Variants in PNKD observed in about 807,000 individuals in gnomAD.
PNKD encodes the protein probable thioesterase PNKD.
Under a neutral mutation model 45.3 loss-of-function variants are expected in PNKD, and 36 were observed. The ratio of observed to expected loss-of-function variants is 0.80; its 90% CI spans 0.61 to 1.05. The LOEUF (loss-of-function observed/expected upper bound fraction) is 1.05, where lower values mean the gene tolerates loss of function less well. Among genes scored for constraint, PNKD ranks in the 50% least tolerant of loss-of-function variants. The pLI, the probability that PNKD is intolerant of heterozygous loss-of-function variation, is 0.00. For missense variants in PNKD, 511 were observed against 506.6 expected (o/e 1.01, Z -0.08); for synonymous variants, 197 against 210.1 (o/e 0.94, Z 0.54).
intron 2 of PNKD, among the ~76,000 whole-genome samples, chr2:218,331,334 G>A (rs887064372): frequency 1.3e-5 from 2 of 152,008 alleles, no homozygotes; most frequent in African/African-American, 4.8e-5. Flanking sequence ...TTGAACCCGG[G>A]AGGCGGTGGT....
chr2:218,293,616 C>T (rs955262908), intron 2 of PNKD, among the ~76,000 whole-genome samples: 1 of 135,112 alleles, frequency 7.4e-6, no homozygotes, highest in Non-Finnish European at 1.5e-5. Flanking sequence ...GACAGGGTCT[C>T]GCTCTGTCAC....
chr2:218,284,838 C>G (rs1256518274), intron 2 of PNKD, among the ~76,000 whole-genome samples: 1 of 152,244 alleles, frequency 6.6e-6, no homozygotes, highest in Non-Finnish European at 1.5e-5. Context: ...CGCCTGTAAT[C>G]TCAACACTTT....
In PNKD at chr2:218,341,578, A is replaced by T; in HGVS notation, c.569A>T (p.Asp190Val). The T allele has an allele frequency of 6.2e-7, 1 of 1,600,220 alleles. No homozygotes were observed. ...GNRDLSRRHR[D>V]CRVYGSPQDG... is the part of the protein sequence containing the mutation. ...CGTGACCTCAGCCGGCGGCACCGGG[A>T]CTGTCGGGTGTACGGGAGCCCTCAG... The change falls in exon 6 of 10, where the codon GAC becomes GTC. Residue 190 changes from aspartate (D) to valine (V), a missense_variant. Physicochemically the swap from Asp to Val is radical, Grantham distance 152. Transcript: ENST00000273077.
intron 2 of PNKD, chr2:218,274,458 A>C (rs1691011801): frequency 6.5e-6 from 1 of 154,096 alleles, no homozygotes; most frequent in East Asian, 1.9e-4. Flanking sequence ...AACAGAGAGA[A>C]GTCACCTTCC....
intron 2 of PNKD, among the ~76,000 whole-genome samples, chr2:218,307,751 G>A (rs1213583431): frequency 6.6e-6 from 1 of 152,178 alleles, no homozygotes; most frequent in Non-Finnish European, 1.5e-5. Context: ...TATACAGGTG[G>A]TAGCCTGTAA....
rs201680473 is a variant in PNKD, at chr2:218,271,478, C to T, written c.165C>T (p.Pro55=). 70 of 1,614,178 alleles carry T rather than the reference C, an allele frequency of 4.3e-5. No homozygotes were observed. In the African/African-American group the frequency reaches 6.9e-4, roughly 16 times the overall value. The change falls in exon 2 of 10, where the codon CCC becomes CCT. Residue 55 remains proline (P), a synonymous_variant. Coordinates refer to ENST00000273077, the MANE Select transcript of PNKD (RefSeq NM_015488.5). The part of the protein sequence containing the change: ...SSPEGKEEPE[P]LSPELEYIPR... ...CAGAGGGCAAGGAGGAACCTGAACC[C>T]CTATCCCCGGAGCTGGAATACATTC... is the stretch of plus-strand genomic sequence containing the variant.
At chr2:218,331,247 C>G (rs1238469940) in intron 2 of PNKD, among the ~76,000 whole-genome samples, 6 of 152,000 alleles carry the variant, frequency 3.9e-5, no homozygotes, top group Non-Finnish European at 8.8e-5. Context: ...AAACCCGTCT[C>G]TACTAAAAAT....
intron 2 of PNKD, among the ~76,000 whole-genome samples, chr2:218,316,191 C>T (rs966352863): frequency 6.6e-6 from 1 of 151,772 alleles, no homozygotes; most frequent in Non-Finnish European, 1.5e-5. Context: ...TTTCAGGAAA[C>T]TAGATTGTGT....
intron 2 of PNKD, among the ~76,000 whole-genome samples, chr2:218,301,017 A>G (rs1693255285): frequency 1.3e-5 from 2 of 152,304 alleles, no homozygotes; most frequent in Non-Finnish European, 1.5e-5. Flanking sequence ...TTTTCCAATA[A>G]CTGAAATAAG....
rs772231371 is a variant in PNKD at position 218,277,372 on chromosome 2, C to G, written c.236+5823C>G. 13 of 1,613,968 alleles carry G rather than the reference C, an allele frequency of 8.1e-6. No homozygotes were observed. The Admixed American group carries it at 8.3e-5, about 10-fold the overall frequency. On this transcript the variant is annotated intron_variant, in intron 2 of 9. Transcript: ENST00000273077. The stretch of plus-strand genomic sequence containing the variant: ...GGGCCCTCCATGCCCTCACCTTGGT[C>G]TGAAAGCAGAAGATGGTGACTGAAA...
intron 2 of PNKD, among the ~76,000 whole-genome samples, chr2:218,318,938 C>CTTTTTTTT (rs1188726715): frequency 1.8e-5 from 2 of 109,536 alleles, no homozygotes; most frequent in Non-Finnish European, 3.9e-5. Context: ...CAAATCTTTT[C>CTTTTTTTT]TTTTTTTTTT....
rs143302169 is a variant in PNKD, at chr2:218,306,474, C to G, written c.237-33309C>G. On this transcript the variant is annotated intron_variant, in intron 2 of 9. Coordinates refer to ENST00000273077, the MANE Select transcript of PNKD (RefSeq NM_015488.5). ...AGGAACATGTGTGGAGTACTTGAAA[C>G]GGCCCAGGCAAGGTGTCCTTTCTCT... Among the ~76,000 whole-genome samples, 61 of 152,302 alleles carry G rather than the reference C, an allele frequency of 4.0e-4. 2 individuals carry two copies. The South Asian group carries it at 6.8e-3, about 17-fold the overall frequency.
intron 2 of PNKD, among the ~76,000 whole-genome samples, chr2:218,287,492 G>T (rs963862082): frequency 1.3e-5 from 2 of 152,074 alleles, no homozygotes. Flanking sequence ...GGTGGATCAC[G>T]AGGTCAGGAG....
intron 3 of PNKD, 47 bp downstream of exon 3, chr2:218,339,945 C>A: frequency 6.9e-7 from 1 of 1,450,962 alleles, no homozygotes; most frequent in Non-Finnish European, 9.6e-7. Context: ...TGTGCCCCCA[C>A]CCTCCCCGCC....
intron 2 of PNKD, among the ~76,000 whole-genome samples, chr2:218,291,732 C>T (rs1202591867): frequency 6.6e-6 from 1 of 152,168 alleles, no homozygotes; most frequent in Non-Finnish European, 1.5e-5. Context: ...CTTGCTTTCC[C>T]TTTTCCCGTT....
At chr2:218,319,445 G>A (rs1315424630) in intron 2 of PNKD, among the ~76,000 whole-genome samples, 2 of 128,718 alleles carry the variant, frequency 1.6e-5, no homozygotes, top group East Asian at 2.5e-4. Context: ...GCATGATCTC[G>A]GCTCACTGCA....
chr2:218,271,491 C>T lies in PNKD; in HGVS notation c.178C>T (p.Leu60=), dbSNP rs774568291. Residue 60 remains leucine (L), a synonymous_variant, in exon 2 of 10, where the codon CTG becomes TTG. Transcript: ENST00000273077. ...GGAACCTGAACCCCTATCCCCGGAG[C>T]TGGAATACATTCCCAGAAAGAGGGG... ...KEEPEPLSPE[L]EYIPRKRGKN... The T allele has an allele frequency of 6.2e-7, 1 of 1,614,198 alleles. No individual in the cohort carries two copies. Among genetic ancestry groups the T allele is most frequent in the East Asian group, 2.2e-5 (1 of 44,894 alleles).
intron 2 of PNKD, among the ~76,000 whole-genome samples, chr2:218,285,069 G>A (rs1692397441): frequency 6.6e-6 from 1 of 152,228 alleles, no homozygotes; most frequent in Non-Finnish European, 1.5e-5. Context: ...CAGCCTGGGT[G>A]ACAGAGTGAG....
rs1693755104 is a variant in PNKD at position 218,315,057 on chromosome 2, T to TCTCTTTCTTTCTTTCTTC, written c.237-24724_237-24723insCTTTCTTTCTTTCTTCCT. 5.4e-5 allele frequency among the ~76,000 whole-genome samples: 3 copies of TCTCTTTCTTTCTTTCTTC among 55,642 alleles called. No homozygotes were observed. In the Admixed American group the frequency reaches 7.1e-4, roughly 13 times the overall value. 36.5% of individuals were successfully genotyped at this position (55,642 alleles called of 152,430 possible). On this transcript the variant is annotated intron_variant, in intron 2 of 9. Transcript: ENST00000273077. ...CTTTCTTTTTCTTTCTTTCTTTCTT[T>TCTCTTTCTTTCTTTCTTC]CTTCCTTCCTTCCTTCCTTTCTTTC...
Sources: allele counts gnomAD v4.1 joint callset (sites outside exome capture counted in the v4.1 genomes callset), GRCh38; gene constraint gnomAD v4.1.1; transcripts MANE v1.5; gene names NCBI Gene and HGNC (gene_info 2026-07-23, HGNC 2026-07-21).